Variants in LHFPL3 observed in about 807,000 individuals in gnomAD.
LHFPL3 encodes LHFPL tetraspan subfamily member 3 protein.
Under a neutral mutation model 19.3 loss-of-function variants are expected in LHFPL3, and 5 were observed. The observed-to-expected ratio is 0.26, with a 90% confidence interval of 0.14 to 0.54. The LOEUF (loss-of-function observed/expected upper bound fraction) is 0.54, where lower values mean the gene tolerates loss of function less well. Among genes scored for constraint, LHFPL3 ranks in the 20% least tolerant of loss-of-function variants. The pLI, the probability that LHFPL3 is intolerant of heterozygous loss-of-function variation, is 0.94. For synonymous variants in LHFPL3, 133 were observed against 126.2 expected (o/e 1.05, Z -0.36); for missense variants, 249 against 307.4 (o/e 0.81, Z 1.42).
rs1419049778 is a variant in LHFPL3, at chr7:104,587,891, CAT to C, written c.446-148783_446-148782del. Among the ~76,000 whole-genome samples the C allele has an allele frequency of 3.9e-5, 6 of 152,130 alleles. No homozygotes were observed. In the East Asian group the frequency reaches 7.7e-4, roughly 20 times the overall value. ...GCCAGTGATGATGAGCATTTTTTCA[CAT>C]GTCTTTCGGCTGCATAAATCTCTTC... is the stretch of plus-strand genomic sequence containing the variant. On this transcript the variant is annotated intron_variant, in intron 1 of 2. Transcript: ENST00000424859.
chr7:104,557,274 C>T (rs1284293896), intron 1 of LHFPL3, among the ~76,000 whole-genome samples: 3 of 152,092 alleles, frequency 2.0e-5, no homozygotes, highest in Admixed American at 6.6e-5. Flanking sequence ...ATACCCAAAA[C>T]TGAGAAGAAA....
At chr7:104,526,111 A>G (rs983880107) in intron 1 of LHFPL3, among the ~76,000 whole-genome samples, 6 of 152,134 alleles carry the variant, frequency 3.9e-5, no homozygotes, top group Admixed American at 1.3e-4. Context: ...CATGAGTCCC[A>G]TTCTCATTCC....
chr7:104,859,389 C>T (rs942670982), intron 2 of LHFPL3, among the ~76,000 whole-genome samples: 1 of 152,082 alleles, frequency 6.6e-6, no homozygotes, highest in African/African-American at 2.4e-5. Context: ...ATTAAGTAGG[C>T]CAGGCATGGT....
intron 2 of LHFPL3, among the ~76,000 whole-genome samples, chr7:104,746,058 C>T (rs948694656): frequency 2.6e-5 from 4 of 152,134 alleles, no homozygotes; most frequent in Admixed American, 2.6e-4. Flanking sequence ...TGCCTGTAAT[C>T]CCAGCACTTA....
At chr7:104,649,041 CA>C (rs1442945265) in intron 1 of LHFPL3, among the ~76,000 whole-genome samples, 1 of 152,210 alleles carries the variant, frequency 6.6e-6, no homozygotes, top group Non-Finnish European at 1.5e-5. Flanking sequence ...TAGAGTGGAT[CA>C]ATCCACTTCA....
At chr7:104,897,282 A>C (rs1340301160) in intron 2 of LHFPL3, among the ~76,000 whole-genome samples, 2 of 152,068 alleles carry the variant, frequency 1.3e-5, no homozygotes, top group Admixed American at 6.6e-5. Flanking sequence ...CTTCTCTCAC[A>C]GGGCCGTGGG....
intron 1 of LHFPL3, among the ~76,000 whole-genome samples, chr7:104,456,931 C>T (rs994468332): frequency 3.9e-5 from 6 of 151,924 alleles, no homozygotes; most frequent in African/African-American, 9.7e-5. Flanking sequence ...ATTTTTGGAC[C>T]GTAGTTGACT....
intron 1 of LHFPL3, among the ~76,000 whole-genome samples, chr7:104,497,704 C>G (rs189419451): frequency 6.6e-6 from 1 of 151,908 alleles, no homozygotes; most frequent in Admixed American, 6.6e-5. Flanking sequence ...CTGGAGGAGT[C>G]ACTGCCGGGA....
At chr7:104,844,542 CTTGA>C (rs1300517974) in intron 2 of LHFPL3, among the ~76,000 whole-genome samples, 3 of 152,126 alleles carry the variant, frequency 2.0e-5, no homozygotes, top group African/African-American at 7.2e-5. Context: ...GTCTTTTTCC[CTTGA>C]TTATTTTTCT....
intron 1 of LHFPL3, among the ~76,000 whole-genome samples, chr7:104,358,616 C>A (rs111627265): frequency 1.1e-4 from 16 of 152,180 alleles, no homozygotes; most frequent in African/African-American, 3.4e-4. Flanking sequence ...GCCATAAAGA[C>A]AATACAGCAT....
In LHFPL3 at chr7:104,328,819, G is replaced by A. The variant is rs774461426; in HGVS notation, c.40G>A (p.Ala14Thr). The change falls in exon 1 of 3, where the codon GCG becomes ACG. Residue 14 changes from alanine to threonine, a missense_variant. Coordinates refer to ENST00000424859, the MANE Select transcript of LHFPL3 (RefSeq NM_199000.3). The surrounding 1 kb of genome is among the most constrained non-coding windows in gnomAD (Gnocchi z 4.6). Reference sequence around the variant, plus strand: ...CGCCGCTGCCGCCGCCGCCGCCGCCGCGATGCTCCCGGCTCAGGAGGCTGC... The same window carrying A: ...CGCCGCTGCCGCCGCCGCCGCCGCCACGATGCTCCCGGCTCAGGAGGCTGC... ...AAAAAAAAAA[A>T]MLPAQEAAKL... 1 of 1,611,280 alleles carries A rather than the reference G, an allele frequency of 6.2e-7. No homozygotes were observed. Among genetic ancestry groups the A allele is most frequent in the Non-Finnish European group, 8.5e-7 (1 of 1,178,694 alleles).
At chr7:104,374,566 T>C (rs562218296) in intron 1 of LHFPL3, among the ~76,000 whole-genome samples, 7 of 152,262 alleles carry the variant, frequency 4.6e-5, no homozygotes, top group African/African-American at 1.7e-4. Context: ...AAAGTTTCCT[T>C]GTAGGCTAGA....
At chr7:104,754,709 GA>G (rs1794250456) in intron 2 of LHFPL3, among the ~76,000 whole-genome samples, 2 of 152,200 alleles carry the variant, frequency 1.3e-5, no homozygotes, top group Admixed American at 1.3e-4. Flanking sequence ...AGTGGGAACA[GA>G]AAGCATTGAG....
At chr7:104,354,013 A>G (rs1351181497) in intron 1 of LHFPL3, among the ~76,000 whole-genome samples, 2 of 152,086 alleles carry the variant, frequency 1.3e-5, no homozygotes, top group Non-Finnish European at 2.9e-5. Flanking sequence ...CTGACAAACC[A>G]TTATAATAAG....
intron 1 of LHFPL3, among the ~76,000 whole-genome samples, chr7:104,523,062 CA>C (rs1794106479): frequency 6.7e-6 from 1 of 149,542 alleles, no homozygotes; most frequent in African/African-American, 2.5e-5. Context: ...TACATATACA[CA>C]TATATATACA....
intron 2 of LHFPL3, among the ~76,000 whole-genome samples, chr7:104,745,505 G>A (rs192163292): frequency 1.3e-5 from 2 of 152,310 alleles, no homozygotes; most frequent in African/African-American, 4.8e-5. Flanking sequence ...ATTTGTTGTG[G>A]TATAACCCTG....
At chr7:104,369,235 C>T (rs1314352833) in intron 1 of LHFPL3, among the ~76,000 whole-genome samples, 1 of 152,176 alleles carries the variant, frequency 6.6e-6, no homozygotes, top group Non-Finnish European at 1.5e-5. Flanking sequence ...GGCCAAGTTC[C>T]ACCTCTAGCC....
intron 1 of LHFPL3, among the ~76,000 whole-genome samples, chr7:104,664,541 T>C (rs1345306333): frequency 6.6e-6 from 1 of 152,184 alleles, no homozygotes; most frequent in Non-Finnish European, 1.5e-5. Flanking sequence ...TCAGCAAACT[T>C]TTCCTTTAAA....
chr7:104,375,435 A>G (rs1412786193), intron 1 of LHFPL3, among the ~76,000 whole-genome samples: 1 of 152,198 alleles, frequency 6.6e-6, no homozygotes, highest in Non-Finnish European at 1.5e-5. Flanking sequence ...TTGGCAAACT[A>G]GTTGTAACAT....
Sources: gnomAD v4.1 joint callset for allele counts (sites outside exome capture counted in the v4.1 genomes callset) on GRCh38, gnomAD v4.1.1 for gene constraint, Gnocchi (gnomAD v3.1) non-coding constraint, MANE v1.5 for transcripts, NCBI Gene and HGNC (gene_info 2026-07-23, HGNC 2026-07-21) for gene names.